DHX35: variants seen among roughly 807,000 people sequenced by gnomAD.
The protein encoded by DHX35 is probable ATP-dependent RNA helicase DHX35.
In DHX35, 84 loss-of-function variants were observed where a neutral mutation model predicts 99.6. That is an observed-to-expected ratio of 0.84 (90% CI 0.71 to 1.01). DHX35 has a LOEUF of 1.01. DHX35 is among the 50% of genes least tolerant of loss of function. DHX35 has a pLI of 0.00. For synonymous variants in DHX35, 331 were observed against 316.2 expected (o/e 1.05, Z -0.50); for missense variants, 852 against 888.5 (o/e 0.96, Z 0.52).
At chr20:39,026,558 G>A (rs1247173956) in intron 18 of DHX35, among the ~76,000 whole-genome samples, 1 of 152,180 alleles carries the variant, frequency 6.6e-6, no homozygotes, top group Non-Finnish European at 1.5e-5. Flanking sequence ...TGGAAGGAAT[G>A]CCGGGAAGAA....
At chr20:38,976,686 GA>G (rs1419449553) in intron 3 of DHX35, among the ~76,000 whole-genome samples, 2 of 152,084 alleles carry the variant, frequency 1.3e-5, no homozygotes, top group Non-Finnish European at 2.9e-5. Flanking sequence ...TAGAACACCA[GA>G]ACTTATTCCT....
intron 14 of DHX35, among the ~76,000 whole-genome samples, chr20:39,017,376 G>A (rs879287022): frequency 6.6e-6 from 1 of 152,058 alleles, no homozygotes; most frequent in Non-Finnish European, 1.5e-5. Flanking sequence ...TTCTTCTCAA[G>A]CATGTAATGG....
intron 16 of DHX35, among the ~76,000 whole-genome samples, chr20:39,022,626 A>G (rs564527703): frequency 6.6e-6 from 1 of 152,348 alleles, no homozygotes; most frequent in South Asian, 2.1e-4. Flanking sequence ...GCTCTGCTAG[A>G]AACCTTGGTG....
intron 19 of DHX35, chr20:39,029,939 T>A (rs550925573): frequency 2.0e-5 from 3 of 152,074 alleles, no homozygotes; most frequent in African/African-American, 7.2e-5. Context: ...GAGTTGGAAT[T>A]GGAAGTACTA....
chr20:38,996,718 T>C (rs1366578553), intron 8 of DHX35, among the ~76,000 whole-genome samples: 1 of 152,166 alleles, frequency 6.6e-6, no homozygotes, highest in Non-Finnish European at 1.5e-5. Flanking sequence ...CGAAGGTAAA[T>C]GTCCAACGTG....
chr20:39,003,462 T>C (rs986976668), intron 10 of DHX35, among the ~76,000 whole-genome samples: 2 of 152,240 alleles, frequency 1.3e-5, no homozygotes, highest in African/African-American at 4.8e-5. Flanking sequence ...ATATGTATGC[T>C]GAGTAAAATA....
chr20:38,994,927 G>A, intron 8 of DHX35, 47 bp downstream of exon 8: 1 of 1,562,576 alleles, frequency 6.4e-7, no homozygotes, highest in Non-Finnish European at 8.8e-7. Flanking sequence ...AAACACTTTT[G>A]TCCTATATAT....
At chr20:38,969,430 G>A (rs576651557) in intron 2 of DHX35, among the ~76,000 whole-genome samples, 1 of 152,266 alleles carries the variant, frequency 6.6e-6, no homozygotes, top group South Asian at 2.1e-4. Context: ...CGTACATACT[G>A]GAAAACTGGA....
At chr20:38,975,937 T>C (rs2086068900) in intron 3 of DHX35, among the ~76,000 whole-genome samples, 1 of 152,122 alleles carries the variant, frequency 6.6e-6, no homozygotes, top group Non-Finnish European at 1.5e-5. Flanking sequence ...AATCCTCCCA[T>C]AGGGATGGGT....
intron 1 of DHX35, 37 bp downstream of exon 1, chr20:38,962,444 G>A (rs1009105605): frequency 1.2e-6 from 2 of 1,605,462 alleles, no homozygotes; most frequent in Non-Finnish European, 1.7e-6. Flanking sequence ...AGATGCGGCG[G>A]CCTGACTTCG....
intron 1 of DHX35, among the ~76,000 whole-genome samples, chr20:38,966,075 A>G (rs764583804): frequency 7.2e-5 from 11 of 152,266 alleles, no homozygotes; most frequent in Admixed American, 2.0e-4. Flanking sequence ...ATGACATACT[A>G]CATTGATTTC....
At chr20:39,009,409 CT>C (rs201600490) in intron 12 of DHX35, among the ~76,000 whole-genome samples, 131 of 144,486 alleles carry the variant, frequency 9.1e-4, no homozygotes, top group Non-Finnish European at 8.5e-4. Flanking sequence ...CTTCATGGCA[CT>C]TTTTTTTTTT....
intron 20 of DHX35, among the ~76,000 whole-genome samples, chr20:39,033,084 A>G (rs1600457527): frequency 6.6e-6 from 1 of 152,096 alleles, no homozygotes; most frequent in African/African-American, 2.4e-5. Context: ...CTCAAAAAAA[A>G]AATGAGCCAG....
intron 1 of DHX35, 74 bp downstream of exon 1, chr20:38,962,481 G>C: frequency 6.4e-7 from 1 of 1,556,552 alleles, no homozygotes; most frequent in Non-Finnish European, 8.7e-7. Context: ...CGGCGCCCTG[G>C]GGCCAGCAGA....
chr20:39,021,971 T>C, intron 16 of DHX35, 36 bp downstream of exon 16: 1 of 1,605,642 alleles, frequency 6.2e-7, no homozygotes, highest in Admixed American at 1.7e-5. Flanking sequence ...TCTGTACCAG[T>C]CTCTTTTGCT....
At position 39,006,289 on chromosome 20, in the gene DHX35, A is replaced by G. The variant is rs1228775268; in HGVS notation, c.1155A>G (p.Ala385=). 1.9e-6 allele frequency: 3 copies of G among 1,614,032 alleles called. No individual in the cohort carries two copies. Among genetic ancestry groups the G allele is most frequent in the South Asian group, 1.1e-5 (1 of 91,086 alleles). The change falls in exon 12 of 22, where the codon GCA becomes GCG. Residue 385 remains alanine, a synonymous_variant. Coordinates refer to ENST00000252011, the MANE Select transcript of DHX35 (RefSeq NM_021931.4). ...TGGTGGTGGTGCCAGTCTCCCAGGC[A>G]TCAGCTAATCAGCGAGCAGGACGTG... ...ECLVVVPVSQ[A]SANQRAGRGG...
chr20:38,965,707 A>G (rs2145825684), intron 1 of DHX35, among the ~76,000 whole-genome samples: 1 of 152,322 alleles, frequency 6.6e-6, no homozygotes, highest in South Asian at 2.1e-4. Context: ...CATTTTAACA[A>G]TAGCATGTCT....
Position 39,028,471 on chromosome 20 carries a change from G to C in DHX35, c.1855G>C (p.Ala619Pro). ...TGTCTCCGGCTTCTTCGCCAATGCAGCGAGGTTTCATTCTACTGGAGCTTA... is the reference window on the plus strand; with the variant it reads ...TGTCTCCGGCTTCTTCGCCAATGCACCGAGGTTTCATTCTACTGGAGCTTA... ...CIVSGFFANA[A>P]RFHSTGAYRT... is the part of the protein sequence containing the mutation. Residue 619 changes from alanine (A) to proline (P), a missense_variant, in exon 19 of 22, where the codon GCG becomes CCG. Ala to Pro is a conservative substitution (Grantham distance 27). Coordinates refer to ENST00000252011, the MANE Select transcript of DHX35 (RefSeq NM_021931.4). 6.2e-7 allele frequency: 1 copy of C among 1,614,228 alleles called. No individual in the cohort carries two copies. Among genetic ancestry groups the C allele is most frequent in the Non-Finnish European group, 8.5e-7 (1 of 1,180,046 alleles).
chr20:38,994,631 ACCCC>A lies in DHX35; in HGVS notation c.583-181_583-178del, dbSNP rs35259351. On this transcript the variant is annotated intron_variant, in intron 7 of 21. Coordinates refer to ENST00000252011, the MANE Select transcript of DHX35 (RefSeq NM_021931.4). The stretch of plus-strand genomic sequence containing the variant: ...CAAAATTGGAAGTAATAGTGTAATG[ACCCC>A]CCCCCCCCTTTATTGACAATTATTA... Among the ~76,000 whole-genome samples, 18 of 74,418 alleles carry A rather than the reference ACCCC, an allele frequency of 2.4e-4. 1 individual carries two copies. Among genetic ancestry groups the A allele is most frequent in the African/African-American group, 6.1e-4 (14 of 22,906 alleles). The allele number at this position is 74,418 out of a possible 152,430, so 48.8% of individuals were successfully genotyped here.
Sources: gnomAD v4.1 joint callset for allele counts (sites outside exome capture counted in the v4.1 genomes callset) on GRCh38, gnomAD v4.1.1 for gene constraint, MANE v1.5 for transcripts, NCBI Gene and HGNC (gene_info 2026-07-23, HGNC 2026-07-21) for gene names.